Variants in PREX1 observed in about 807,000 individuals in gnomAD.
PREX1 encodes the protein phosphatidylinositol 3,4,5-trisphosphate-dependent Rac exchanger 1 protein.
A neutral mutation model predicts 198.3 loss-of-function variants in PREX1; 41 were observed. That is an observed-to-expected ratio of 0.21 (90% confidence interval 0.16 to 0.27). PREX1 has a LOEUF of 0.27. PREX1 is among the 10% of genes least tolerant of loss of function. The probability of loss-of-function intolerance (pLI) is 1.00; values close to 1 mark genes in which losing one functional copy is unlikely to be tolerated. For missense variants in PREX1, 1,620 were observed against 2,200.7 expected (o/e 0.74, Z 5.28); for synonymous variants, 843 against 887.2 (o/e 0.95, Z 0.89).
chr20:48,663,542 G>A (rs575570141), intron 15 of PREX1, among the ~76,000 whole-genome samples: 1 of 152,328 alleles, frequency 6.6e-6, no homozygotes, highest in South Asian at 2.1e-4. Flanking sequence ...AACAAACTAT[G>A]GCTCACCACC....
chr20:48,657,214 C>T (rs772613332), intron 17 of PREX1, 26 bp from the exon 18 acceptor site: 17 of 1,610,696 alleles, frequency 1.1e-5, no homozygotes, highest in Middle Eastern at 1.6e-4. Context: ...AGAGGACAGA[C>T]GTGCACACCA....
At chr20:48,708,169 C>CT (rs1256935951) in intron 6 of PREX1, 91 bp downstream of exon 6, 1 of 1,380,330 alleles carries the variant, frequency 7.2e-7, no homozygotes, top group Non-Finnish European at 9.9e-7. Context: ...ACATTGCAGA[C>CT]TGACAGGTGC....
rs2089436205 is a variant in PREX1, at chr20:48,644,402, C to T, written c.3601+7G>A. 2 of 1,611,766 alleles carry T rather than the reference C, an allele frequency of 1.2e-6. No homozygotes were observed. Among genetic ancestry groups the T allele is most frequent in the East Asian group, 2.2e-5 (1 of 44,830 alleles). ...CCCTGAGCACAGGCCGCTGCCACTC[C>T]ACTCACCAGACCCCATCTCGTCGCT... On this transcript the variant is annotated splice_region_variant and intron_variant, in intron 27 of 39. Coordinates refer to ENST00000371941, the MANE Select transcript of PREX1 (RefSeq NM_020820.4).
At position 48,827,947 on chromosome 20, in the gene PREX1, CCGGCGGGCCGGGCTCAG is replaced by C. The variant is rs1296606699; in HGVS notation, c.-104_-88del. On this transcript the variant is annotated 5_prime_UTR_variant, in exon 1 of 40. Transcript: ENST00000371941. The surrounding 1 kb of genome is among the most constrained non-coding windows in gnomAD (Gnocchi z 4.1). ...GGCGCCCCATCCCGGACGGGGCGCG[CCGGCGGGCCGGGCTCAG>C]CGGCGGGCCGGGCTCCCGGCGCGGC... is the stretch of plus-strand genomic sequence containing the variant. 1.4e-4 allele frequency: 62 copies of C among 447,828 alleles called. No homozygotes were observed. Among genetic ancestry groups the C allele is most frequent in the Middle Eastern group, 2.2e-3 (2 of 896 alleles). The allele number at this position is 447,828 out of a possible 1,614,324, so 27.7% of individuals were successfully genotyped here. A position where few individuals can be genotyped will look rare whatever the true frequency, so the allele number is the denominator to read the frequency against.
intron 12 of PREX1, 77 bp from the exon 13 acceptor site, chr20:48,679,486 G>A (rs1294505813): frequency 1.3e-6 from 2 of 1,500,368 alleles, no homozygotes; most frequent in Non-Finnish European, 1.9e-6. Flanking sequence ...TGATGGGAGA[G>A]ATGGCTTCCA....
chr20:48,815,864 G>A (rs538046679), intron 1 of PREX1, among the ~76,000 whole-genome samples: 21 of 152,108 alleles, frequency 1.4e-4, no homozygotes, highest in Non-Finnish European at 2.6e-4. Context: ...ACAAAAATCA[G>A]CCAGACGTGT....
At chr20:48,848,379 C>T in the PREX1 span, among the ~76,000 whole-genome samples, 37 of 151,870 alleles carry the variant, frequency 2.4e-4, no homozygotes, top group African/African-American at 8.2e-4. Context: ...CTCAGCCTCC[C>T]GAGTAGCTGA....
At chr20:48,809,755 G>A (rs2090426412) in intron 1 of PREX1, among the ~76,000 whole-genome samples, 1 of 152,180 alleles carries the variant, frequency 6.6e-6, no homozygotes, top group African/African-American at 2.4e-5. Flanking sequence ...AAGAGGCCCA[G>A]GCAGGGACCC....
chr20:48,855,539 C>T, the PREX1 span, among the ~76,000 whole-genome samples: 4 of 152,162 alleles, frequency 2.6e-5, no homozygotes, highest in African/African-American at 9.7e-5. Context: ...GGACACAGCA[C>T]CGAACAAGGC....
At chr20:48,697,815 C>T (rs1456241611) in intron 7 of PREX1, among the ~76,000 whole-genome samples, 1 of 152,150 alleles carries the variant, frequency 6.6e-6, no homozygotes, top group Non-Finnish European at 1.5e-5. Flanking sequence ...TTTTAAAACA[C>T]TCCCTCCCGT....
chr20:48,632,002 C>G (rs1405108186), intron 35 of PREX1, among the ~76,000 whole-genome samples: 1 of 152,232 alleles, frequency 6.6e-6, no homozygotes, highest in Non-Finnish European at 1.5e-5. Context: ...CCAAACAGAC[C>G]CCAGTTCAAA....
intron 6 of PREX1, among the ~76,000 whole-genome samples, chr20:48,704,146 C>T (rs778415953): frequency 6.6e-6 from 1 of 152,232 alleles, no homozygotes; most frequent in African/African-American, 2.4e-5. Context: ...CGAGGCACAG[C>T]GTGGTGAAGT....
chr20:48,676,352 GC>G lies in PREX1; in HGVS notation c.1590-85del. 4.6e-6 allele frequency: 6 copies of G among 1,295,600 alleles called. No individual in the cohort carries two copies. The Admixed American group carries it at 1.0e-4, about 22-fold the overall frequency. 80.3% of individuals were successfully genotyped at this position (1,295,600 alleles called of 1,614,324 possible). On this transcript the variant is annotated intron_variant, in intron 13 of 39. Transcript: ENST00000371941. ...TGGTCCTGACTTCCCTGCAGGACGTGCCCACGAGTCAAGGATCTCCAGGCTC... is the reference window on the plus strand; with the variant it reads ...TGGTCCTGACTTCCCTGCAGGACGTGCCACGAGTCAAGGATCTCCAGGCTC...
At chr20:48,784,606 C>T (rs541095232) in intron 1 of PREX1, among the ~76,000 whole-genome samples, 19 of 152,280 alleles carry the variant, frequency 1.2e-4, no homozygotes, top group African/African-American at 4.1e-4. Context: ...ACTGCTGGAC[C>T]GAAAGGCCTC....
At chr20:48,659,434 A>G (rs1397572382) in intron 16 of PREX1, among the ~76,000 whole-genome samples, 2 of 151,986 alleles carry the variant, frequency 1.3e-5, no homozygotes, top group Non-Finnish European at 2.9e-5. Context: ...GGGACTTTAC[A>G]GTGAGGGGCA....
At chr20:48,877,884 G>A in the PREX1 span, among the ~76,000 whole-genome samples, 12 of 152,196 alleles carry the variant, frequency 7.9e-5, no homozygotes, top group South Asian at 8.3e-4. Context: ...TGAGGCGGGC[G>A]GATCACCTGA....
rs140361198 is a variant in PREX1 at position 48,626,723 on chromosome 20, C to T, written c.4938-796G>A. Among the ~76,000 whole-genome samples, 247 of 152,342 alleles carry T rather than the reference C, an allele frequency of 1.6e-3. 2 individuals carry two copies. Among genetic ancestry groups the T allele is most frequent in the African/African-American group, 5.5e-3 (230 of 41,572 alleles). The stretch of plus-strand genomic sequence containing the variant: ...CACCACTGGCAGCAGGTGTTGCCGG[C>T]GCTCTGTGGTTACGTAAGACGTTGC... On this transcript the variant is annotated intron_variant, in intron 39 of 39. Transcript: ENST00000371941.
chr20:48,688,270 G>C (rs2089796912), intron 10 of PREX1, among the ~76,000 whole-genome samples: 1 of 152,118 alleles, frequency 6.6e-6, no homozygotes. Flanking sequence ...ACAATGTCAT[G>C]GGTCTTGCCA....
intron 5 of PREX1, among the ~76,000 whole-genome samples, chr20:48,716,097 G>T (rs6019391): frequency 0.31 from 47,314 of 151,980 alleles, 9,841 homozygotes; most frequent in African/African-American, 0.6. Context: ...GAAAAACTGA[G>T]TGCAGGGAAG....
Sources: gnomAD v4.1 joint callset for allele counts (sites outside exome capture counted in the v4.1 genomes callset) on GRCh38, gnomAD v4.1.1 for gene constraint, Gnocchi (gnomAD v3.1) non-coding constraint, MANE v1.5 for transcripts, NCBI Gene and HGNC (gene_info 2026-07-23, HGNC 2026-07-21) for gene names.